Variants in SCP2 observed in about 807,000 individuals in gnomAD.
The protein encoded by SCP2 is sterol carrier protein 2, also known as SCP-2/3-oxoacyl-CoA thiolase.
Under a neutral mutation model 71.4 loss-of-function variants are expected in SCP2, and 48 were observed. The ratio of observed to expected loss-of-function variants is 0.67; its 90% CI spans 0.53 to 0.86. SCP2 has a LOEUF of 0.86. Ranked by LOEUF, SCP2 falls within the 40% of genes least tolerant of loss-of-function variation. The pLI is 0.00. For synonymous variants in SCP2, 220 were observed against 218.1 expected (o/e 1.01, Z -0.08); for missense variants, 560 against 655.6 (o/e 0.85, Z 1.59).
intron 13 of SCP2, among the ~76,000 whole-genome samples, chr1:53,035,958 T>G (rs150786879): frequency 0.028 from 4,053 of 145,910 alleles, 79 homozygotes; most frequent in Non-Finnish European, 0.041. Context: ...AGGCGGAGCT[T>G]GCAGTGAGCC....
At chr1:53,021,161 C>T (rs973415101) in intron 12 of SCP2, among the ~76,000 whole-genome samples, 1 of 152,052 alleles carries the variant, frequency 6.6e-6, no homozygotes, top group Non-Finnish European at 1.5e-5. Flanking sequence ...CACACACCGT[C>T]ATGCCCAGCT....
At chr1:53,041,305 G>A (rs1663412917) in intron 14 of SCP2, among the ~76,000 whole-genome samples, 1 of 152,002 alleles carries the variant, frequency 6.6e-6, no homozygotes, top group African/African-American at 2.4e-5. Context: ...GGGAGGCTGA[G>A]GCAGGAAAAT....
intron 4 of SCP2, among the ~76,000 whole-genome samples, chr1:52,951,473 C>T (rs1655298282): frequency 6.7e-6 from 1 of 149,692 alleles, no homozygotes; most frequent in African/African-American, 2.5e-5. Flanking sequence ...CGTGGTGGTC[C>T]CAGCTATGCA....
chr1:52,998,419 G>C (rs1009586058), intron 11 of SCP2, among the ~76,000 whole-genome samples: 2 of 151,846 alleles, frequency 1.3e-5, no homozygotes, highest in African/African-American at 4.8e-5. Context: ...AGCAAAGCAA[G>C]ACTTTGTCTC....
At chr1:52,928,117 AGGATCCGTTCAGATC>A (rs1177829752) in intron 1 of SCP2, among the ~76,000 whole-genome samples, 1 of 152,202 alleles carries the variant, frequency 6.6e-6, no homozygotes, top group South Asian at 2.1e-4. Flanking sequence ...GCATCCTGAA[AGGATCCGTTCAGATC>A]GGATCTTCTC....
chr1:52,943,376 C>T (rs1270362327), intron 2 of SCP2, among the ~76,000 whole-genome samples: 1 of 152,086 alleles, frequency 6.6e-6, no homozygotes, highest in Non-Finnish European at 1.5e-5. Context: ...GCACCCCCCA[C>T]CTTGCCCAGC....
At chr1:52,996,578 C>A (rs777377485) in intron 11 of SCP2, among the ~76,000 whole-genome samples, 2 of 152,186 alleles carry the variant, frequency 1.3e-5, no homozygotes, top group Non-Finnish European at 2.9e-5. Flanking sequence ...CATTTTCAGT[C>A]TCCCTCCAAG....
chr1:53,038,847 C>T (rs555727882), intron 13 of SCP2, 70 bp from the exon 14 acceptor site: 2 of 1,586,384 alleles, frequency 1.3e-6, no homozygotes, highest in East Asian at 2.2e-5. Flanking sequence ...TCTATTTAAA[C>T]ATGAATTTGC....
At position 52,931,916 on chromosome 1, in the gene SCP2, T is replaced by A. The variant is rs549957312; in HGVS notation, c.69+4451T>A. Among the ~76,000 whole-genome samples the A allele has an allele frequency of 1.1e-4, 17 of 151,452 alleles. No homozygotes were observed. In the East Asian group the frequency reaches 2.5e-3, roughly 23 times the overall value. ...GGGAGATAAGTGAAAATATTACATC[T>A]CTGAAAAAAGAACTGAGTGCTATTT... On this transcript the variant is annotated intron_variant, in intron 1 of 15. Transcript: ENST00000371514.
At position 52,990,242 on chromosome 1, in the gene SCP2, C is replaced by T. The variant is rs551802568; in HGVS notation, c.1081+2106C>T. Among the ~76,000 whole-genome samples the T allele has an allele frequency of 1.5e-3, 228 of 148,364 alleles. 1 individual carries two copies. The Middle Eastern group carries it at 0.017, about 11-fold the overall frequency. Reference sequence around the variant, plus strand: ...GAGGATTTGATTTTTAGAGAAGCTACATTATTTAAAATGTCCAGTTTTCAA... The same window carrying T: ...GAGGATTTGATTTTTAGAGAAGCTATATTATTTAAAATGTCCAGTTTTCAA... On this transcript the variant is annotated intron_variant, in intron 11 of 15. Coordinates refer to ENST00000371514, the MANE Select transcript of SCP2 (RefSeq NM_002979.5).
intron 10 of SCP2, among the ~76,000 whole-genome samples, chr1:52,984,783 C>T (rs1388108886): frequency 2.7e-5 from 4 of 150,600 alleles, no homozygotes; most frequent in African/African-American, 4.9e-5. Context: ...GTGATCTGCC[C>T]GCCTTGGCCT....
chr1:52,939,440 G>T (rs1455153426), intron 1 of SCP2, among the ~76,000 whole-genome samples: 1 of 151,984 alleles, frequency 6.6e-6, no homozygotes, highest in Non-Finnish European at 1.5e-5. Context: ...CAGCTACTCA[G>T]GAGGCTGAGG....
chr1:52,944,744 G>A (rs1234855722), intron 2 of SCP2, among the ~76,000 whole-genome samples: 1 of 151,886 alleles, frequency 6.6e-6, no homozygotes, highest in African/African-American at 2.4e-5. Context: ...AAATCTGGCC[G>A]GGCATGGTGA....
At chr1:52,956,810 T>A (rs1655837984) in intron 5 of SCP2, among the ~76,000 whole-genome samples, 1 of 152,088 alleles carries the variant, frequency 6.6e-6, no homozygotes. Flanking sequence ...AACTTTTATT[T>A]GAAAATTATT....
intron 6 of SCP2, among the ~76,000 whole-genome samples, chr1:52,969,386 A>G (rs1199774244): frequency 2.0e-5 from 3 of 151,540 alleles, no homozygotes; most frequent in Non-Finnish European, 4.4e-5. Flanking sequence ...GCACATGCCT[A>G]TAGTCTCAGC....
At chr1:52,974,722 C>T in intron 6 of SCP2, 47 bp from the exon 7 acceptor site, 1 of 899,232 alleles carries the variant, frequency 1.1e-6, no homozygotes, top group East Asian at 2.4e-5. Context: ...TGTTAATAAG[C>T]AGCGGAAAAA....
chr1:52,948,593 C>G (rs1198649599), intron 3 of SCP2, among the ~76,000 whole-genome samples: 1 of 147,130 alleles, frequency 6.8e-6, no homozygotes. Context: ...CCACTGCACT[C>G]CAGCCTGGGC....
chr1:53,004,874 C>A (rs942313218), intron 11 of SCP2, among the ~76,000 whole-genome samples: 3 of 152,166 alleles, frequency 2.0e-5, no homozygotes, highest in African/African-American at 4.8e-5. Flanking sequence ...CCTTTCCTAG[C>A]CAAGGGAAGC....
chr1:52,976,829 C>G (rs577722169), intron 8 of SCP2, 60 bp downstream of exon 8: 4 of 878,628 alleles, frequency 4.6e-6, no homozygotes, highest in South Asian at 2.6e-5. Flanking sequence ...TCCTGCCACC[C>G]CCCTGTGGTT....
Sources: gnomAD v4.1 joint callset for allele counts (sites outside exome capture counted in the v4.1 genomes callset) on GRCh38, gnomAD v4.1.1 for gene constraint, MANE v1.5 for transcripts, NCBI Gene and HGNC (gene_info 2026-07-23, HGNC 2026-07-21) for gene names.